Variants in THSD7B observed in about 807,000 individuals in gnomAD.
The protein encoded by THSD7B is thrombospondin type 1 domain containing 7B.
THSD7B carries 138 observed loss-of-function variants against 213.6 expected under a neutral mutation model. The observed-to-expected ratio is 0.65, with a 90% CI of 0.56 to 0.74. The LOEUF (loss-of-function observed/expected upper bound fraction) is 0.74, where lower values mean the gene tolerates loss of function less well. THSD7B is among the 30% of genes least tolerant of loss of function. The probability of loss-of-function intolerance (pLI) is 0.00; values close to 1 mark genes in which losing one functional copy is unlikely to be tolerated. For synonymous variants in THSD7B, 742 were observed against 687.0 expected, an observed-to-expected ratio of 1.08 and a Z score of -1.25; for missense variants, 1,931 against 1,991.5, an observed-to-expected ratio of 0.97 and a Z score of 0.58.
At chr2:137,231,728 T>G (rs920098) in intron 8 of THSD7B, among the ~76,000 whole-genome samples, 111,210 of 152,098 alleles carry the variant, frequency 0.73, 40,941 homozygotes, top group Non-Finnish European at 0.76. Context: ...GGGGGGCACA[T>G]CATGGAGGCT....
rs115918400 is a variant in THSD7B at position 136,822,623 on chromosome 2, C to G, written c.-36+56936C>G. ...GTTTTGACTCTTTCTGTAATTAATTCCAAGATTTTGCTTTTATACCCTGTT... is the reference window on the plus strand; with the variant it reads ...GTTTTGACTCTTTCTGTAATTAATTGCAAGATTTTGCTTTTATACCCTGTT... On this transcript the variant is annotated intron_variant, in intron 1 of 27. Coordinates refer to ENST00000409968, the MANE Select transcript of THSD7B (RefSeq NM_001316349.2). Among the ~76,000 whole-genome samples, 552 of 152,256 alleles carry G rather than the reference C, an allele frequency of 3.6e-3. 4 individuals carry two copies. Among genetic ancestry groups the G allele is most frequent in the African/African-American group, 0.012 (487 of 41,558 alleles).
In THSD7B at chr2:137,584,342, C is replaced by T. The variant is rs143004787; in HGVS notation, c.3423+11786C>T. ...GAATACCAGTTATTTCTTTCTCCTG[C>T]CTGATTGCCTTGGCCAGAACTTCCA... is the stretch of plus-strand genomic sequence containing the variant. On this transcript the variant is annotated intron_variant, in intron 17 of 27. Coordinates refer to ENST00000409968, the MANE Select transcript of THSD7B (RefSeq NM_001316349.2). Among the ~76,000 whole-genome samples, 563 of 152,304 alleles carry T rather than the reference C, an allele frequency of 3.7e-3. 2 individuals are homozygous for T. Among genetic ancestry groups the T allele is most frequent in the African/African-American group, 0.013 (539 of 41,562 alleles).
At chr2:137,387,947 G>A (rs987337682) in intron 12 of THSD7B, among the ~76,000 whole-genome samples, 9 of 152,084 alleles carry the variant, frequency 5.9e-5, no homozygotes, top group East Asian at 1.9e-4. Flanking sequence ...CCTCCCAGAA[G>A]CCAGATTACT....
At chr2:137,178,069 CA>C (rs35624670) in intron 7 of THSD7B, among the ~76,000 whole-genome samples, 6,269 of 57,640 alleles carry the variant, frequency 0.11, 78 homozygotes, top group Non-Finnish European at 0.12. Flanking sequence ...AACTCCGTCT[CA>C]AAAAAAAAAA....
chr2:137,303,320 C>A (rs1683651404), intron 12 of THSD7B, among the ~76,000 whole-genome samples: 1 of 152,152 alleles, frequency 6.6e-6, no homozygotes, highest in Admixed American at 6.5e-5. Flanking sequence ...CTGCCTCCAG[C>A]CACTTCTAAA....
chr2:137,433,644 G>A (rs866876889), intron 14 of THSD7B, among the ~76,000 whole-genome samples: 10 of 152,030 alleles, frequency 6.6e-5, no homozygotes, highest in South Asian at 2.1e-4. Context: ...ATGAGCCTCC[G>A]TGCCCCACCT....
intron 7 of THSD7B, among the ~76,000 whole-genome samples, chr2:137,202,797 C>T (rs6430687): frequency 0.59 from 89,848 of 151,950 alleles, 26,926 homozygotes; most frequent in South Asian, 0.71. Flanking sequence ...TTACATCTCT[C>T]TGGGATCTCA....
chr2:137,316,774 A>C (rs994781705), intron 12 of THSD7B, among the ~76,000 whole-genome samples: 2 of 150,618 alleles, frequency 1.3e-5, no homozygotes, highest in Non-Finnish European at 3.0e-5. Context: ...AAAAAAGAAA[A>C]AGAAAAAAAA....
At chr2:137,023,053 A>C (rs1351459883) in intron 2 of THSD7B, among the ~76,000 whole-genome samples, 1 of 152,184 alleles carries the variant, frequency 6.6e-6, no homozygotes, top group African/African-American at 2.4e-5. Context: ...GCTCTATCAA[A>C]TATGCTGCAG....
At chr2:137,182,190 G>A (rs890369332) in intron 7 of THSD7B, among the ~76,000 whole-genome samples, 2 of 152,152 alleles carry the variant, frequency 1.3e-5, no homozygotes, top group Non-Finnish European at 2.9e-5. Flanking sequence ...TAAGGCATAT[G>A]GGCATTTGTT....
intron 5 of THSD7B, among the ~76,000 whole-genome samples, chr2:137,125,771 G>A (rs1482142048): frequency 2.0e-5 from 3 of 152,166 alleles, no homozygotes; most frequent in Non-Finnish European, 4.4e-5. Context: ...TATGGCAGGT[G>A]TAGCCTTACA....
intron 12 of THSD7B, among the ~76,000 whole-genome samples, chr2:137,361,602 C>G (rs1412603570): frequency 6.6e-6 from 1 of 152,090 alleles, no homozygotes; most frequent in Non-Finnish European, 1.5e-5. Flanking sequence ...GCTTCAGTAG[C>G]TGATTTGATC....
intron 12 of THSD7B, among the ~76,000 whole-genome samples, chr2:137,325,803 A>G (rs752342993): frequency 2.6e-5 from 4 of 152,220 alleles, no homozygotes; most frequent in Non-Finnish European, 4.4e-5. Context: ...CGCAGAACTC[A>G]AGACTTGGTG....
intron 1 of THSD7B, among the ~76,000 whole-genome samples, chr2:136,773,073 TAA>T (rs1681536536): frequency 6.6e-6 from 1 of 152,028 alleles, no homozygotes; most frequent in South Asian, 2.1e-4. Context: ...CAGCGCTGTC[TAA>T]AAGTGTGATC....
intron 3 of THSD7B, among the ~76,000 whole-genome samples, chr2:137,072,557 A>C (rs566387380): frequency 2.0e-4 from 30 of 152,258 alleles, no homozygotes; most frequent in African/African-American, 7.2e-4. Context: ...AAATAGGGAC[A>C]ATTTGACTTC....
chr2:137,211,982 G>C (rs781288466), intron 7 of THSD7B, among the ~76,000 whole-genome samples: 1 of 152,048 alleles, frequency 6.6e-6, no homozygotes, highest in Non-Finnish European at 1.5e-5. Flanking sequence ...CCATGCTGGA[G>C]CTAAATAAAC....
intron 12 of THSD7B, among the ~76,000 whole-genome samples, chr2:137,357,553 G>C (rs548238042): frequency 3.9e-5 from 6 of 152,126 alleles, no homozygotes; most frequent in Non-Finnish European, 7.3e-5. Context: ...CATATGTTTA[G>C]TGTTCTTTCT....
intron 13 of THSD7B, among the ~76,000 whole-genome samples, chr2:137,407,174 C>T (rs901716179): frequency 6.6e-6 from 1 of 152,048 alleles, no homozygotes; most frequent in Non-Finnish European, 1.5e-5. Context: ...ATTCATTTTA[C>T]AACCAGTACC....
At chr2:137,327,767 A>G (rs901719578) in intron 12 of THSD7B, among the ~76,000 whole-genome samples, 1 of 152,242 alleles carries the variant, frequency 6.6e-6, no homozygotes, top group Non-Finnish European at 1.5e-5. Flanking sequence ...ATTGTTAGAT[A>G]ATAAAATTAG....
Sources: gnomAD v4.1 joint callset for allele counts (sites outside exome capture counted in the v4.1 genomes callset) on GRCh38, gnomAD v4.1.1 for gene constraint, MANE v1.5 for transcripts, NCBI Gene and HGNC (gene_info 2026-07-23, HGNC 2026-07-21) for gene names.